ATP11A: variants seen among roughly 807,000 people sequenced by gnomAD.
ATP11A encodes the protein ATPase phospholipid transporting 11A.
A neutral mutation model predicts 154.4 loss-of-function variants in ATP11A; 81 were observed. The observed-to-expected ratio is 0.52, with a 90% CI of 0.44 to 0.63. The LOEUF (loss-of-function observed/expected upper bound fraction) is 0.63, where lower values mean the gene tolerates loss of function less well. ATP11A is among the 30% of genes least tolerant of loss of function. The pLI is 0.00. For missense variants in ATP11A, 1,316 were observed against 1,474.3 expected, an observed-to-expected ratio of 0.89 and a Z score of 1.76; for synonymous variants, 623 against 585.9, an observed-to-expected ratio of 1.06 and a Z score of -0.91.
At chr13:112,692,967 C>T (rs1885372315) in intron 1 of ATP11A, among the ~76,000 whole-genome samples, 1 of 152,202 alleles carries the variant, frequency 6.6e-6, no homozygotes, top group Non-Finnish European at 1.5e-5. Context: ...TAAATAGACC[C>T]TGTTCCTTCT....
chr13:112,742,886 A>T (rs772607310), intron 1 of ATP11A, among the ~76,000 whole-genome samples: 1 of 152,194 alleles, frequency 6.6e-6, no homozygotes, highest in African/African-American at 2.4e-5. Flanking sequence ...CTTTCTGCAG[A>T]TAGACACCTG....
Position 112,789,248 on chromosome 13 carries a change from G to A in ATP11A, c.162+3991G>A, listed in dbSNP as rs143226411. Among the ~76,000 whole-genome samples the A allele has an allele frequency of 5.8e-4, 86 of 149,306 alleles. 1 individual carries two copies. The East Asian group carries it at 0.012, about 22-fold the overall frequency. Reference sequence around the variant, plus strand: ...TGTGGATACCTACTTAATCCACACCGGGTGTCCTGATGCGTAGACTCCTGT... The same window carrying A: ...TGTGGATACCTACTTAATCCACACCAGGTGTCCTGATGCGTAGACTCCTGT... On this transcript the variant is annotated intron_variant, in intron 2 of 29. Transcript: ENST00000375645.
At chr13:112,704,808 T>C (rs1032206359) in intron 1 of ATP11A, among the ~76,000 whole-genome samples, 1 of 152,234 alleles carries the variant, frequency 6.6e-6, no homozygotes, top group Non-Finnish European at 1.5e-5. Context: ...CAACCTATTT[T>C]CAGCAAAGGA....
intron 2 of ATP11A, among the ~76,000 whole-genome samples, chr13:112,792,465 A>G (rs1327680896): frequency 7.2e-5 from 11 of 152,224 alleles, no homozygotes. Context: ...CTAGTAGTTA[A>G]GACTTTTTAA....
At chr13:112,846,898 G>A (rs1190830670) in intron 17 of ATP11A, among the ~76,000 whole-genome samples, 2 of 152,158 alleles carry the variant, frequency 1.3e-5, no homozygotes, top group African/African-American at 4.8e-5. Context: ...CCTGAGCGCT[G>A]TGCCTGGTGA....
chr13:112,713,765 G>C (rs980954999), intron 1 of ATP11A, among the ~76,000 whole-genome samples: 5 of 152,166 alleles, frequency 3.3e-5, no homozygotes, highest in Non-Finnish European at 7.4e-5. Flanking sequence ...AATGAAACCA[G>C]ACATCGGTTT....
chr13:112,881,576 C>T (rs1474550714), intron 29 of ATP11A: 2 of 1,173,300 alleles, frequency 1.7e-6, no homozygotes, highest in South Asian at 1.6e-5. Context: ...GACGGTCACT[C>T]TGTTGGTACT....
At chr13:112,735,716 C>A (rs1422641806) in intron 1 of ATP11A, among the ~76,000 whole-genome samples, 2 of 152,164 alleles carry the variant, frequency 1.3e-5, no homozygotes, top group Non-Finnish European at 1.5e-5. Flanking sequence ...TCAAATAGCT[C>A]CAGAACCTTG....
chr13:112,811,535 C>A (rs561430536), intron 5 of ATP11A: 7 of 152,202 alleles, frequency 4.6e-5, no homozygotes, highest in Admixed American at 4.6e-4. Context: ...AATATAAACT[C>A]GACTAGGTGG....
At chr13:112,812,333 G>A (rs941468876) in intron 5 of ATP11A, among the ~76,000 whole-genome samples, 5 of 152,176 alleles carry the variant, frequency 3.3e-5, no homozygotes, top group East Asian at 1.9e-4. Context: ...ACTGGTCCTC[G>A]TGCACCCTGC....
At chr13:112,705,421 T>C (rs1436952889) in intron 1 of ATP11A, among the ~76,000 whole-genome samples, 2 of 152,232 alleles carry the variant, frequency 1.3e-5, no homozygotes, top group Non-Finnish European at 2.9e-5. Flanking sequence ...ACTGAGCAGC[T>C]GCTGTATGCG....
chr13:112,724,253 A>G (rs1352800470), intron 1 of ATP11A, among the ~76,000 whole-genome samples: 1 of 150,666 alleles, frequency 6.6e-6, no homozygotes, highest in African/African-American at 2.4e-5. Flanking sequence ...CCCACAGGTT[A>G]TGGGCTCTGT....
At chr13:112,741,932 C>T (rs1891595878) in intron 1 of ATP11A, among the ~76,000 whole-genome samples, 1 of 152,028 alleles carries the variant, frequency 6.6e-6, no homozygotes, top group Non-Finnish European at 1.5e-5. Flanking sequence ...CCATAGACTG[C>T]TCCCCTTCCC....
chr13:112,831,810 G>GACACACATGC (rs1435634160), intron 13 of ATP11A, among the ~76,000 whole-genome samples: 3 of 152,114 alleles, frequency 2.0e-5, no homozygotes, highest in Non-Finnish European at 4.4e-5. Flanking sequence ...TGTGCACACG[G>GACACACATGC]ACACACATGC....
chr13:112,709,767 C>T (rs118028661), intron 1 of ATP11A, among the ~76,000 whole-genome samples: 3,208 of 152,358 alleles, frequency 0.021, 45 homozygotes, highest in Non-Finnish European at 0.032. Flanking sequence ...AACCAAGCTG[C>T]GCCCGACCAC....
In ATP11A at chr13:112,816,182, G is replaced by A. The variant is rs201861005; in HGVS notation, c.541G>A (p.Ala181Thr). The change falls in exon 6 of 30, where the codon GCC (alanine) becomes ACC (threonine). Residue 181 changes from alanine to threonine, a missense_variant. Physicochemically the swap from Ala to Thr is moderately conservative, Grantham distance 58 (BLOSUM62 0). Transcript: ENST00000375645. ...RGDGTCHVTT[A>T]SLDGESSHKT... The stretch of plus-strand genomic sequence containing the variant: ...AGATGGGACGTGCCACGTCACCACC[G>A]CCAGCTTGGATGGAGAATCCAGCCA... The A allele has an allele frequency of 5.2e-5, 84 of 1,614,114 alleles. No individual in the cohort carries two copies. In the Middle Eastern group the frequency reaches 6.6e-4, roughly 13 times the overall value.
At chr13:112,863,083 G>A (rs1482030463) in intron 25 of ATP11A, among the ~76,000 whole-genome samples, 1 of 145,038 alleles carries the variant, frequency 6.9e-6, no homozygotes, top group Non-Finnish European at 1.5e-5. Context: ...ATCACCACCT[G>A]CACAGTAATT....
intron 12 of ATP11A, among the ~76,000 whole-genome samples, chr13:112,827,372 G>GTC (rs1268407910): frequency 1.3e-5 from 2 of 152,256 alleles, no homozygotes; most frequent in Admixed American, 6.5e-5. Context: ...CACCTCGAGT[G>GTC]TCTCAGTCTG....
At chr13:112,715,998 C>A (rs1477430045) in intron 1 of ATP11A, among the ~76,000 whole-genome samples, 2 of 152,146 alleles carry the variant, frequency 1.3e-5, no homozygotes, top group African/African-American at 4.8e-5. Context: ...GCTTTCTCTC[C>A]CCAGCAGCTC....
Sources: allele counts gnomAD v4.1 joint callset (sites outside exome capture counted in the v4.1 genomes callset), GRCh38; gene constraint gnomAD v4.1.1; transcripts MANE v1.5; gene names NCBI Gene and HGNC (gene_info 2026-07-23, HGNC 2026-07-21).